RPGRIP1L: variants seen among roughly 807,000 people sequenced by gnomAD.
RPGRIP1L encodes RPGRIP1 like, also known as protein fantom.
RPGRIP1L carries 131 observed loss-of-function variants against 160.4 expected under a neutral mutation model. The ratio of observed to expected loss-of-function variants is 0.82; its 90% CI spans 0.71 to 0.94. RPGRIP1L has a LOEUF of 0.94. Among genes scored for constraint, RPGRIP1L ranks in the 40% least tolerant of loss-of-function variants. The probability of loss-of-function intolerance (pLI) is 0.00; values close to 1 mark genes in which losing one functional copy is unlikely to be tolerated. For synonymous variants in RPGRIP1L, 510 were observed against 515.8 expected, an observed-to-expected ratio of 0.99 and a Z score of 0.15; for missense variants, 1,522 against 1,535.8, an observed-to-expected ratio of 0.99 and a Z score of 0.15.
chr16:53,662,250 A>G (rs1204755503), intron 10 of RPGRIP1L, among the ~76,000 whole-genome samples: 1 of 152,184 alleles, frequency 6.6e-6, no homozygotes, highest in Non-Finnish European at 1.5e-5. Flanking sequence ...GCTGTGATCA[A>G]TATAACCATA....
intron 6 of RPGRIP1L, among the ~76,000 whole-genome samples, chr16:53,680,956 C>T (rs1969560810): frequency 1.3e-5 from 2 of 152,132 alleles, no homozygotes; most frequent in Non-Finnish European, 1.5e-5. Flanking sequence ...GCTTGTTGTA[C>T]CATTCAAAAA....
chr16:53,640,045 C>A (rs532433138), intron 19 of RPGRIP1L, among the ~76,000 whole-genome samples: 1 of 152,218 alleles, frequency 6.6e-6, no homozygotes, highest in African/African-American at 2.4e-5. Flanking sequence ...AAAAAGTCCA[C>A]CACAGAGAAT....
intron 16 of RPGRIP1L, among the ~76,000 whole-genome samples, chr16:53,647,209 T>G (rs1207397168): frequency 6.6e-6 from 1 of 152,182 alleles, no homozygotes; most frequent in Non-Finnish European, 1.5e-5. Flanking sequence ...CACTCTTTCT[T>G]AAGTTTGGGA....
At chr16:53,673,573 A>G (rs903374955) in intron 7 of RPGRIP1L, among the ~76,000 whole-genome samples, 2 of 152,298 alleles carry the variant, frequency 1.3e-5, no homozygotes, top group South Asian at 2.1e-4. Flanking sequence ...TCAATTTTAT[A>G]TACTTTAATG....
Position 53,634,029 on chromosome 16 carries a change from G to A in RPGRIP1L, c.3294+2410C>T, listed in dbSNP as rs142990826. On this transcript the variant is annotated intron_variant, in intron 22 of 26. Transcript: ENST00000647211. Reference sequence around the variant, plus strand: ...ATGAATAATAGAAATTTATTTCTCAGAGTTCTGGAGACTGGGAAGTCCAAG... The same window carrying A: ...ATGAATAATAGAAATTTATTTCTCAAAGTTCTGGAGACTGGGAAGTCCAAG... 3.8e-3 allele frequency among the ~76,000 whole-genome samples: 584 copies of A among 152,270 alleles called. 2 individuals carry two copies. Among genetic ancestry groups the A allele is most frequent in the Admixed American group, 7.6e-3 (116 of 15,286 alleles).
intron 22 of RPGRIP1L, among the ~76,000 whole-genome samples, chr16:53,630,932 C>T (rs1420640481): frequency 6.6e-6 from 1 of 152,070 alleles, no homozygotes. Flanking sequence ...AGGGTTTCAC[C>T]ATGTTGGTTG....
rs764578359 is a variant in RPGRIP1L, at chr16:53,641,302, C to T, written c.2857G>A (p.Val953Ile). The T allele has an allele frequency of 3.1e-6, 5 of 1,613,768 alleles. No homozygotes were observed. The East Asian group carries it at 6.7e-5, about 22-fold the overall frequency. ...VVQRLPPASSVSTLVLAPRPK... is the reference protein window; with the variant it reads ...VVQRLPPASSISTLVLAPRPK... ...ATACTCACTAAAACTAGTGTGCTAA[C>T]AGAGGATGCTGGAGGAAGTCTTTGA... Residue 953 changes from valine to isoleucine, a missense_variant, in exon 18 of 27, where the codon GTT (valine) becomes ATT (isoleucine). By Grantham distance (29) the Val-to-Ile change is conservative (BLOSUM62 3). Coordinates refer to ENST00000647211, the MANE Select transcript of RPGRIP1L (RefSeq NM_015272.5).
At chr16:53,606,178 T>C (rs992729855) in intron 25 of RPGRIP1L, among the ~76,000 whole-genome samples, 2 of 152,246 alleles carry the variant, frequency 1.3e-5, no homozygotes, top group Non-Finnish European at 2.9e-5. Flanking sequence ...TTGTATTACT[T>C]GAGCAATCTT....
chr16:53,641,525 T>C (rs1375317907), intron 17 of RPGRIP1L, 50 bp from the exon 18 acceptor site: 2 of 1,503,038 alleles, frequency 1.3e-6, no homozygotes, highest in Non-Finnish European at 1.8e-6. Flanking sequence ...GTTTTATTAC[T>C]GTAAGAATTA....
intron 22 of RPGRIP1L, among the ~76,000 whole-genome samples, chr16:53,624,603 G>A (rs760065606): frequency 5.9e-5 from 9 of 152,004 alleles, no homozygotes; most frequent in South Asian, 2.1e-4. Context: ...ATTAACTGCC[G>A]AGAAATATAT....
intron 14 of RPGRIP1L, chr16:53,653,539 A>G (rs1054033833): frequency 6.3e-6 from 1 of 159,726 alleles, no homozygotes; most frequent in African/African-American, 2.4e-5. Flanking sequence ...AAAAGCCAAC[A>G]ATAATCAATT....
At chr16:53,635,258 A>G (rs934686720) in intron 22 of RPGRIP1L, among the ~76,000 whole-genome samples, 1 of 152,160 alleles carries the variant, frequency 6.6e-6, no homozygotes, top group Non-Finnish European at 1.5e-5. Flanking sequence ...CAACATACAC[A>G]TGGTTCTATT....
chr16:53,698,785 C>A (rs1971112526), intron 2 of RPGRIP1L, among the ~76,000 whole-genome samples: 2 of 151,118 alleles, frequency 1.3e-5, no homozygotes, highest in East Asian at 4.0e-4. Context: ...AGCCCCCCAC[C>A]CGGCCAGCCG....
intron 22 of RPGRIP1L, among the ~76,000 whole-genome samples, chr16:53,622,799 C>CCACACACACA (rs201959082): frequency 0.014 from 1,857 of 135,860 alleles, 42 homozygotes; most frequent in African/African-American, 0.047. Flanking sequence ...AAAACAAAAA[C>CCACACACACA]CACACACACA....
At chr16:53,646,056 C>G (rs777094158) in intron 16 of RPGRIP1L, 53 bp from the exon 17 acceptor site, 3 of 1,522,218 alleles carry the variant, frequency 2.0e-6, no homozygotes, top group Non-Finnish European at 2.7e-6. Flanking sequence ...AAAAGATGAA[C>G]AGCAGCTGCC....
intron 3 of RPGRIP1L, chr16:53,693,343 G>A (rs1263061770): frequency 6.6e-6 from 1 of 152,184 alleles, no homozygotes; most frequent in African/African-American, 2.4e-5. Context: ...CTTTATTTTA[G>A]CGTGGTTATG....
At chr16:53,701,455 T>C (rs900058432) in intron 1 of RPGRIP1L, among the ~76,000 whole-genome samples, 67 of 151,490 alleles carry the variant, frequency 4.4e-4, no homozygotes, top group Non-Finnish European at 1.6e-4. Flanking sequence ...TTGTAGTTTC[T>C]ATTCTTTACA....
intron 25 of RPGRIP1L, among the ~76,000 whole-genome samples, chr16:53,608,197 C>T (rs1055122487): frequency 1.3e-5 from 2 of 152,136 alleles, no homozygotes; most frequent in African/African-American, 2.4e-5. Context: ...TCCCTTTGCC[C>T]GAAATGATCT....
At chr16:53,701,218 T>C (rs1250038324) in intron 1 of RPGRIP1L, among the ~76,000 whole-genome samples, 2 of 152,194 alleles carry the variant, frequency 1.3e-5, no homozygotes, top group African/African-American at 4.8e-5. Context: ...ACTGATCACA[T>C]GTGCCTGGGA....
Sources: gnomAD v4.1 joint callset for allele counts (sites outside exome capture counted in the v4.1 genomes callset) on GRCh38, gnomAD v4.1.1 for gene constraint, MANE v1.5 for transcripts, NCBI Gene and HGNC (gene_info 2026-07-23, HGNC 2026-07-21) for gene names.